Variants in ACVR2B observed in about 807,000 individuals in gnomAD.
The protein encoded by ACVR2B is activin A receptor type 2B, also known as activin receptor type-2B.
Under a neutral mutation model 65.1 loss-of-function variants are expected in ACVR2B, and 18 were observed. That is an observed-to-expected ratio of 0.28 (90% CI 0.19 to 0.41). The LOEUF is 0.41. Ranked by LOEUF, ACVR2B falls within the 10% of genes least tolerant of loss-of-function variation. ACVR2B has a pLI of 1.00. For synonymous variants in ACVR2B, 298 were observed against 277.7 expected (o/e 1.07, Z -0.73); for missense variants, 482 against 682.7 (o/e 0.71, Z 3.28).
intron 1 of ACVR2B, among the ~76,000 whole-genome samples, chr3:38,457,289 A>C (rs1384090521): frequency 6.6e-6 from 1 of 152,226 alleles, no homozygotes; most frequent in African/African-American, 2.4e-5. Flanking sequence ...TTTGCATTCC[A>C]TTTTTGTACT....
At chr3:38,467,106 A>G (rs779036625) in intron 1 of ACVR2B, among the ~76,000 whole-genome samples, 6 of 152,194 alleles carry the variant, frequency 3.9e-5, no homozygotes, top group Non-Finnish European at 8.8e-5. Context: ...AAGGCATGCT[A>G]TCATCTCTAG....
chr3:38,471,594 G>A (rs1329708493), intron 1 of ACVR2B, among the ~76,000 whole-genome samples: 1 of 152,222 alleles, frequency 6.6e-6, no homozygotes, highest in African/African-American at 2.4e-5. Context: ...CAGTAGGTGA[G>A]TGGATACTTA....
At chr3:38,480,545 C>T (rs1710000280) in intron 7 of ACVR2B, among the ~76,000 whole-genome samples, 1 of 152,150 alleles carries the variant, frequency 6.6e-6, no homozygotes, top group African/African-American at 2.4e-5. Context: ...TAGCCAAGGT[C>T]TTGTAGCTAG....
Position 38,482,649 on chromosome 3 carries a change from T to G in ACVR2B, c.1344+89T>G. 4 of 1,546,826 alleles carry G rather than the reference T, an allele frequency of 2.6e-6. No individual in the cohort carries two copies. In the Admixed American group the frequency reaches 7.8e-5, roughly 30 times the overall value. ...CAGGTAAGCTGAAATCAAGGGGGAATGGGCAAATAGAAAGTCTGCGACGTT... is the reference window on the plus strand; with the variant it reads ...CAGGTAAGCTGAAATCAAGGGGGAAGGGGCAAATAGAAAGTCTGCGACGTT... On this transcript the variant is annotated intron_variant, in intron 10 of 10. Transcript: ENST00000352511.
At position 38,483,470 on chromosome 3, in the gene ACVR2B, T is replaced by A. The variant is rs538038214; in HGVS notation, c.*138T>A. On this transcript the variant is annotated 3_prime_UTR_variant, in exon 11 of 11. Transcript: ENST00000352511. This position sits in a 1 kb window ranked among gnomAD's most constrained non-coding sequence, Gnocchi z 4.8. Reference sequence around the variant, plus strand: ...CTATTTTACCTTGACTTTTTATTATTATTATTATAATTATTATAATTATTA... The same window carrying A: ...CTATTTTACCTTGACTTTTTATTATAATTATTATAATTATTATAATTATTA... The A allele has an allele frequency of 1.8e-4, 80 of 454,992 alleles. No individual in the cohort carries two copies. The highest frequency in any genetic ancestry group is 1.3e-3 in the African/African-American group (63 of 48,284). 28.2% of individuals were successfully genotyped at this position (454,992 alleles called of 1,614,324 possible). A position where few individuals can be genotyped will look rare whatever the true frequency, so the allele number is the denominator to read the frequency against.
At chr3:38,482,390 GA>G (rs979120415) in intron 9 of ACVR2B, 39 bp from the exon 10 acceptor site, 7 of 1,610,734 alleles carry the variant, frequency 4.3e-6, no homozygotes, top group Non-Finnish European at 5.1e-6. Context: ...GGAGCAGTGG[GA>G]CCTTAGAGTG....
At position 38,490,937 on chromosome 3, in the gene ACVR2B, C is replaced by T. The variant is rs995307645; in HGVS notation, c.*7605C>T. The T allele has an allele frequency of 6.6e-6, 1 of 152,576 alleles. No individual in the cohort carries two copies. The highest frequency in any genetic ancestry group is 2.4e-5 in the African/African-American group (1 of 41,412). 9.5% of individuals were successfully genotyped at this position (152,576 alleles called of 1,614,324 possible). A position where few individuals can be genotyped will look rare whatever the true frequency, so the allele number is the denominator to read the frequency against. On this transcript the variant is annotated 3_prime_UTR_variant, in exon 11 of 11. Coordinates refer to ENST00000352511, the MANE Select transcript of ACVR2B (RefSeq NM_001106.4). ...TGCCATTTTCAGTATTCTTGTGTGTCTGAATAGGCAAAGCGATTTAATTGG... is the reference window on the plus strand; with the variant it reads ...TGCCATTTTCAGTATTCTTGTGTGTTTGAATAGGCAAAGCGATTTAATTGG...
intron 1 of ACVR2B, among the ~76,000 whole-genome samples, chr3:38,465,230 C>G (rs986991961): frequency 1.3e-5 from 2 of 151,744 alleles, no homozygotes; most frequent in African/African-American, 4.8e-5. Flanking sequence ...AACCCTGTCT[C>G]TACTAAAAAT....
At position 38,454,018 on chromosome 3, in the gene ACVR2B, G is replaced by C. The variant is rs1452371547; in HGVS notation, c.-305G>C. ...GCGCCCGGGGCCCGGGCCCAGCCCCGCCGCGCTATGCCTGAGTCGGGCGCG... is the reference window on the plus strand; with the variant it reads ...GCGCCCGGGGCCCGGGCCCAGCCCCCCCGCGCTATGCCTGAGTCGGGCGCG... On this transcript the variant is annotated 5_prime_UTR_variant, in exon 1 of 11. Coordinates refer to ENST00000352511, the MANE Select transcript of ACVR2B (RefSeq NM_001106.4). 2 of 94,678 alleles carry C rather than the reference G, an allele frequency of 2.1e-5. No homozygotes were observed. Among genetic ancestry groups the C allele is most frequent in the Admixed American group, 1.1e-4 (1 of 8,828 alleles). 5.9% of individuals were successfully genotyped at this position (94,678 alleles called of 1,614,324 possible).
At chr3:38,463,325 T>C (rs1709679359) in intron 1 of ACVR2B, among the ~76,000 whole-genome samples, 1 of 152,216 alleles carries the variant, frequency 6.6e-6, no homozygotes, top group Non-Finnish European at 1.5e-5. Context: ...CCACTGCATT[T>C]GACAAAATCT....
At chr3:38,456,578 G>C (rs145804109) in intron 1 of ACVR2B, among the ~76,000 whole-genome samples, 1 of 152,196 alleles carries the variant, frequency 6.6e-6, no homozygotes, top group Admixed American at 6.5e-5. Context: ...AATTTATATT[G>C]TCAAAGTTCT....
chr3:38,482,205 C>T lies in ACVR2B; in HGVS notation c.1082C>T (p.Thr361Met), dbSNP rs1575589739. The T allele has an allele frequency of 1.9e-6, 3 of 1,613,600 alleles. No homozygotes were observed. The highest frequency in any genetic ancestry group is 2.5e-6 in the Non-Finnish European group (3 of 1,179,972). Residue 361 changes from threonine (T) to methionine (M), a missense_variant, in exon 9 of 11, where the codon ACG becomes ATG. Around this residue, in one of 5 missense-constraint regions of ACVR2B, gnomAD observed 223 missense variants for 386.3 expected, o/e 0.58. Coordinates refer to ENST00000352511, the MANE Select transcript of ACVR2B (RefSeq NM_001106.4). The part of the protein sequence containing the change: ...PPGDTHGQVG[T>M]RRYMAPEVLE... ...TCCTCTGTCCTCACATAGGTAGGCA[C>T]GAGACGGTACATGGCTCCTGAGGTG... is the stretch of plus-strand genomic sequence containing the variant.
chr3:38,477,061 T>G lies in ACVR2B; in HGVS notation c.53-226T>G. On this transcript the variant is annotated intron_variant, in intron 1 of 10. Transcript: ENST00000352511. This position sits in a 1 kb window ranked among gnomAD's most constrained non-coding sequence, Gnocchi z 6.7. ...TGCTTAGGCCTAGGGGCAGCTGTGA[T>G]GGGCTGCAGAATGAGGTGGGGGCTG... The G allele has an allele frequency of 1.7e-6, 1 of 599,646 alleles. No homozygotes were observed. Among genetic ancestry groups the G allele is most frequent in the Non-Finnish European group, 3.0e-6 (1 of 336,718 alleles). 37.1% of individuals were successfully genotyped at this position (599,646 alleles called of 1,614,324 possible). A position where few individuals can be genotyped will look rare whatever the true frequency, so the allele number is the denominator to read the frequency against.
At position 38,491,333 on chromosome 3, in the gene ACVR2B, C is replaced by T. The variant is rs367857486; in HGVS notation, c.*8001C>T. 6.6e-6 allele frequency: 1 copy of T among 152,654 alleles called. No individual in the cohort carries two copies. The highest frequency in any genetic ancestry group is 1.9e-4 in the East Asian group (1 of 5,204). 9.5% of individuals were successfully genotyped at this position (152,654 alleles called of 1,614,324 possible). On this transcript the variant is annotated 3_prime_UTR_variant, in exon 11 of 11. Coordinates refer to ENST00000352511, the MANE Select transcript of ACVR2B (RefSeq NM_001106.4). Reference sequence around the variant, plus strand: ...GCATGGGCTACCTTCCTGGGCTCTCCTGCAGTCCTGTAGACCTGCTGTTCC... The same window carrying T: ...GCATGGGCTACCTTCCTGGGCTCTCTTGCAGTCCTGTAGACCTGCTGTTCC...
intron 1 of ACVR2B, among the ~76,000 whole-genome samples, chr3:38,455,871 C>T (rs1446802929): frequency 6.6e-6 from 1 of 152,164 alleles, no homozygotes; most frequent in Non-Finnish European, 1.5e-5. Flanking sequence ...AGCAAGCTGA[C>T]TTGATAGGCA....
At position 38,485,990 on chromosome 3, in the gene ACVR2B, T is replaced by C. The variant is rs1472482822; in HGVS notation, c.*2658T>C. 17 of 152,618 alleles carry C rather than the reference T, an allele frequency of 1.1e-4. No individual in the cohort carries two copies. Among genetic ancestry groups the C allele is most frequent in the Admixed American group, 1.1e-3 (17 of 15,282 alleles). The allele number at this position is 152,618 out of a possible 1,614,324, so 9.5% of individuals were successfully genotyped here. ...CCCAGCCTCTTTGTTTGGTTTTAGT[T>C]CCTCTGGGTGGTTTTTCTTTTGTGT... On this transcript the variant is annotated 3_prime_UTR_variant, in exon 11 of 11. Transcript: ENST00000352511.
rs917561936 is a variant in ACVR2B, at chr3:38,454,011, C to T, written c.-312C>T. The T allele has an allele frequency of 6.8e-6, 1 of 146,176 alleles. No individual in the cohort carries two copies. The highest frequency in any genetic ancestry group is 1.5e-5 in the Non-Finnish European group (1 of 65,152). 9.1% of individuals were successfully genotyped at this position (146,176 alleles called of 1,614,324 possible). A position where few individuals can be genotyped will look rare whatever the true frequency, so the allele number is the denominator to read the frequency against. On this transcript the variant is annotated 5_prime_UTR_variant, in exon 1 of 11. The change creates a premature stop within an existing upstream ORF in the 5' untranslated region. Coordinates refer to ENST00000352511, the MANE Select transcript of ACVR2B (RefSeq NM_001106.4). ...GGCCCCTGCGCCCGGGGCCCGGGCC[C>T]AGCCCCGCCGCGCTATGCCTGAGTC...
At chr3:38,471,080 C>CA (rs1559649984) in intron 1 of ACVR2B, among the ~76,000 whole-genome samples, 1 of 152,112 alleles carries the variant, frequency 6.6e-6, no homozygotes, top group Non-Finnish European at 1.5e-5. Context: ...CTAATACTAA[C>CA]ACACGAAATG....
chr3:38,479,016 TG>T, intron 5 of ACVR2B, 111 bp from the exon 6 acceptor site: 1 of 1,419,630 alleles, frequency 7.0e-7, no homozygotes, highest in Non-Finnish European at 9.8e-7. Flanking sequence ...GGGATTGGGC[TG>T]GGAGGCTTGA....
Sources: allele counts gnomAD v4.1 joint callset (sites outside exome capture counted in the v4.1 genomes callset), GRCh38; gene constraint gnomAD v4.1.1; regional missense constraint gnomAD v4.1.1; non-coding constraint Gnocchi (gnomAD v3.1); transcripts MANE v1.5; gene names NCBI Gene and HGNC (gene_info 2026-07-23, HGNC 2026-07-21).